The following LSAMP variants were observed in gnomAD, a reference collection of about 807,000 sequenced individuals.
LSAMP encodes limbic system-associated membrane protein.
In LSAMP, 7 loss-of-function variants were observed where a neutral mutation model predicts 38.6. The observed-to-expected ratio is 0.18, with a 90% confidence interval of 0.10 to 0.34. The LOEUF (loss-of-function observed/expected upper bound fraction) is 0.34, where lower values mean the gene tolerates loss of function less well. LSAMP is among the 10% of genes least tolerant of loss of function. The probability of loss-of-function intolerance (pLI) is 1.00; values close to 1 mark genes in which losing one functional copy is unlikely to be tolerated. For synonymous variants in LSAMP, 154 were observed against 166.8 expected (o/e 0.92, Z 0.59); for missense variants, 313 against 420.0 (o/e 0.75, Z 2.23).
At chr3:116,134,962 A>C (rs1190008256) in intron 1 of LSAMP, among the ~76,000 whole-genome samples, 2 of 152,168 alleles carry the variant, frequency 1.3e-5, no homozygotes, top group Non-Finnish European at 2.9e-5. Context: ...AATAGTATAA[A>C]AATGTTATTG....
chr3:115,943,552 G>A (rs893198501), intron 3 of LSAMP, among the ~76,000 whole-genome samples: 1 of 152,170 alleles, frequency 6.6e-6, no homozygotes, highest in African/African-American at 2.4e-5. Flanking sequence ...CAGGCTATCT[G>A]TTCTCAACTC....
chr3:115,945,595 C>T (rs1330897227), intron 3 of LSAMP, among the ~76,000 whole-genome samples: 1 of 152,112 alleles, frequency 6.6e-6, no homozygotes, highest in Non-Finnish European at 1.5e-5. Context: ...CTACATCATG[C>T]TGACACAAAC....
At chr3:115,816,367 G>A (rs1934017700) in intron 6 of LSAMP, among the ~76,000 whole-genome samples, 1 of 152,204 alleles carries the variant, frequency 6.6e-6, no homozygotes, top group Admixed American at 6.5e-5. Context: ...GCAGCGCAAA[G>A]CATAACTTGC....
intron 3 of LSAMP, among the ~76,000 whole-genome samples, chr3:116,010,538 A>G (rs1187563071): frequency 1.3e-5 from 2 of 152,230 alleles, no homozygotes; most frequent in African/African-American, 4.8e-5. Flanking sequence ...TGAGAGGAAA[A>G]GAACAATTGC....
intron 3 of LSAMP, among the ~76,000 whole-genome samples, chr3:115,873,647 A>G (rs2107405282): frequency 6.6e-6 from 1 of 152,266 alleles, no homozygotes; most frequent in East Asian, 1.9e-4. Flanking sequence ...GGGGAACCTG[A>G]GTTCATACCT....
At chr3:116,137,232 T>C (rs560066116) in intron 1 of LSAMP, among the ~76,000 whole-genome samples, 2 of 152,164 alleles carry the variant, frequency 1.3e-5, no homozygotes, top group South Asian at 2.1e-4. Flanking sequence ...TCCAGGATGA[T>C]CTCATTTTGA....
chr3:115,906,311 A>T (rs527294934), intron 3 of LSAMP, among the ~76,000 whole-genome samples: 2 of 152,286 alleles, frequency 1.3e-5, no homozygotes, highest in Non-Finnish European at 2.9e-5. Context: ...TGGTGCTGAG[A>T]TGACACTTGA....
chr3:115,912,653 A>G (rs934275129), intron 3 of LSAMP, among the ~76,000 whole-genome samples: 1 of 152,154 alleles, frequency 6.6e-6, no homozygotes, highest in African/African-American at 2.4e-5. Flanking sequence ...GTGGAGTTGT[A>G]GCCAGTTTTG....
chr3:115,819,396 C>T (rs1934153021), intron 6 of LSAMP, among the ~76,000 whole-genome samples: 1 of 151,706 alleles, frequency 6.6e-6, no homozygotes, highest in Non-Finnish European at 1.5e-5. Context: ...CACCACTGCT[C>T]TCCAGCCTGG....
intron 3 of LSAMP, among the ~76,000 whole-genome samples, chr3:115,997,700 A>G (rs555256666): frequency 7.3e-6 from 1 of 136,486 alleles, no homozygotes; most frequent in East Asian, 2.2e-4. Context: ...GAGGGAAACT[A>G]TTGACATTTT....
chr3:116,189,808 A>G (rs992454636), intron 1 of LSAMP, among the ~76,000 whole-genome samples: 2 of 152,134 alleles, frequency 1.3e-5, no homozygotes, highest in African/African-American at 2.4e-5. Context: ...TAAAAGAGAC[A>G]TTGGCCTGTA....
At chr3:116,281,333 G>A (rs2047123669) in intron 1 of LSAMP, among the ~76,000 whole-genome samples, 1 of 152,190 alleles carries the variant, frequency 6.6e-6, no homozygotes, top group African/African-American at 2.4e-5. Context: ...TGTTTTCAAA[G>A]AGAAGTGCTT....
At chr3:115,917,525 G>A (rs573120753) in intron 3 of LSAMP, among the ~76,000 whole-genome samples, 1 of 152,040 alleles carries the variant, frequency 6.6e-6, no homozygotes, top group African/African-American at 2.4e-5. Context: ...CTCAGAAACT[G>A]CATAACTCAT....
At chr3:116,078,974 T>C (rs1393159882) in intron 2 of LSAMP, among the ~76,000 whole-genome samples, 3 of 152,156 alleles carry the variant, frequency 2.0e-5, no homozygotes, top group South Asian at 2.1e-4. Flanking sequence ...CAGGGCCTCT[T>C]AGTGGGGAAG....
chr3:116,399,182 A>T (rs1385633047), intron 1 of LSAMP, among the ~76,000 whole-genome samples: 2 of 152,254 alleles, frequency 1.3e-5, no homozygotes, highest in Non-Finnish European at 2.9e-5. Context: ...GGACTTGTTC[A>T]TCTTTGGAAG....
At chr3:116,396,190 C>T (rs1336605500) in intron 1 of LSAMP, among the ~76,000 whole-genome samples, 1 of 152,062 alleles carries the variant, frequency 6.6e-6, no homozygotes, top group Non-Finnish European at 1.5e-5. Context: ...TATTCACTAA[C>T]AAAAAATCTC....
At chr3:116,440,727 A>G (rs2049421587) in intron 1 of LSAMP, among the ~76,000 whole-genome samples, 1 of 152,238 alleles carries the variant, frequency 6.6e-6, no homozygotes, top group Admixed American at 6.5e-5. Context: ...TATATTTGAT[A>G]AAGGATTTAT....
intron 1 of LSAMP, among the ~76,000 whole-genome samples, chr3:116,303,745 C>A (rs1028005307): frequency 6.6e-6 from 1 of 152,088 alleles, no homozygotes; most frequent in Non-Finnish European, 1.5e-5. Flanking sequence ...TCAGTACGTG[C>A]GGATTGGCAC....
At chr3:116,148,793 CAG>C (rs1262470153) in intron 1 of LSAMP, among the ~76,000 whole-genome samples, 2 of 151,954 alleles carry the variant, frequency 1.3e-5, no homozygotes, top group Non-Finnish European at 2.9e-5. Context: ...CAGAATAAAT[CAG>C]TAACAATATT....
Sources: allele counts gnomAD v4.1 joint callset (sites outside exome capture counted in the v4.1 genomes callset), GRCh38; gene constraint gnomAD v4.1.1; transcripts MANE v1.5; gene names NCBI Gene and HGNC (gene_info 2026-07-23, HGNC 2026-07-21).